TET1: variants seen among roughly 807,000 people sequenced by gnomAD.
TET1 encodes methylcytosine dioxygenase TET1.
TET1 carries 13 observed loss-of-function variants against 148.7 expected under a neutral mutation model. That is an observed-to-expected ratio of 0.09 (90% CI 0.06 to 0.14). The LOEUF is 0.14. Ranked by LOEUF, TET1 falls within the 10% of genes least tolerant of loss-of-function variation. TET1 has a pLI of 1.00. For missense variants in TET1, 2,182 were observed against 2,553.8 expected, an observed-to-expected ratio of 0.85 and a Z score of 3.14; for synonymous variants, 907 against 937.2, an observed-to-expected ratio of 0.97 and a Z score of 0.59.
chr10:68,665,748 T>C (rs1012514059), intron 6 of TET1, among the ~76,000 whole-genome samples: 3 of 152,046 alleles, frequency 2.0e-5, no homozygotes, highest in Non-Finnish European at 4.4e-5. Context: ...TGTGTTATTA[T>C]TTGGCTGTAA....
At chr10:68,588,741 A>C (rs1338455351) in intron 2 of TET1, among the ~76,000 whole-genome samples, 1 of 152,128 alleles carries the variant, frequency 6.6e-6, no homozygotes, top group Non-Finnish European at 1.5e-5. Flanking sequence ...GCTATATTTT[A>C]ATATTAAGGT....
At chr10:68,594,936 G>A (rs552079945) in intron 2 of TET1, among the ~76,000 whole-genome samples, 2 of 145,746 alleles carry the variant, frequency 1.4e-5, no homozygotes, top group African/African-American at 2.6e-5. Context: ...CAGAGATCTC[G>A]CCATTGCACT....
chr10:68,685,273 A>G (rs1054554302), intron 10 of TET1, among the ~76,000 whole-genome samples: 1 of 152,164 alleles, frequency 6.6e-6, no homozygotes, highest in Non-Finnish European at 1.5e-5. Flanking sequence ...TTAACCTTTA[A>G]CTTTGCTTTA....
chr10:68,673,135 A>G (rs2055297380), intron 8 of TET1, 90 bp downstream of exon 8: 7 of 1,093,106 alleles, frequency 6.4e-6, no homozygotes, highest in Non-Finnish European at 8.8e-6. Context: ...GAAACACTAT[A>G]AAAACTAAAT....
At chr10:68,672,135 C>T (rs957967641) in intron 7 of TET1, among the ~76,000 whole-genome samples, 2 of 151,936 alleles carry the variant, frequency 1.3e-5, no homozygotes, top group Admixed American at 1.3e-4. Flanking sequence ...AATTCCAAAG[C>T]AGTAATAAAA....
chr10:68,644,206 G>C (rs906217690), intron 3 of TET1, among the ~76,000 whole-genome samples: 1 of 147,602 alleles, frequency 6.8e-6, no homozygotes, highest in Non-Finnish European at 1.5e-5. Flanking sequence ...CCTGGCCTTT[G>C]ATTTTGTTTC....
intron 10 of TET1, among the ~76,000 whole-genome samples, chr10:68,684,538 A>C (rs1458455036): frequency 6.6e-6 from 1 of 152,146 alleles, no homozygotes; most frequent in African/African-American, 2.4e-5. Flanking sequence ...TTTTACCTGA[A>C]TTACAGAATA....
intron 6 of TET1, among the ~76,000 whole-genome samples, chr10:68,661,903 T>C (rs60189814): frequency 0.17 from 23,054 of 137,004 alleles, 2,547 homozygotes; most frequent in African/African-American, 0.3. Flanking sequence ...TTTTGTGAGA[T>C]GGAGTTTCAC....
chr10:68,617,804 C>T lies in TET1; in HGVS notation c.1968+16770C>T, dbSNP rs182381711. 4.4e-3 allele frequency among the ~76,000 whole-genome samples: 671 copies of T among 152,282 alleles called. 3 individuals are homozygous for T. Among genetic ancestry groups the T allele is most frequent in the African/African-American group, 0.016 (651 of 41,548 alleles). ...CAGGTGATCCACCCGCCTCGACCTC[C>T]CAATGTGCTGGGATTACAGGCGTGA... On this transcript the variant is annotated intron_variant, in intron 3 of 11. Coordinates refer to ENST00000373644, the MANE Select transcript of TET1 (RefSeq NM_030625.3).
intron 2 of TET1, among the ~76,000 whole-genome samples, chr10:68,598,170 C>T (rs1420993748): frequency 6.6e-6 from 1 of 152,182 alleles, no homozygotes; most frequent in Non-Finnish European, 1.5e-5. Context: ...GGGCGGCCCA[C>T]CTGAGGTCAA....
At chr10:68,672,767 TATAATAG>T (rs2055293138) in intron 7 of TET1, 121 bp from the exon 8 acceptor site, 1 of 628,052 alleles carries the variant, frequency 1.6e-6, no homozygotes, top group African/African-American at 1.8e-5. Flanking sequence ...AAATAAGTAA[TATAATAG>T]ATAAGTGTTA....
chr10:68,633,071 C>T (rs966893812), intron 3 of TET1, among the ~76,000 whole-genome samples: 2 of 152,020 alleles, frequency 1.3e-5, no homozygotes, highest in African/African-American at 4.8e-5. Context: ...GTAATCCCAG[C>T]TACTAGTGAG....
At chr10:68,657,730 A>G (rs574434138) in intron 6 of TET1, among the ~76,000 whole-genome samples, 1 of 152,164 alleles carries the variant, frequency 6.6e-6, no homozygotes, top group Non-Finnish European at 1.5e-5. Flanking sequence ...GGCATGAGAA[A>G]CTGAGGATTA....
At chr10:68,605,436 G>A (rs768346834) in intron 3 of TET1, among the ~76,000 whole-genome samples, 80 of 152,164 alleles carry the variant, frequency 5.3e-4, no homozygotes, top group Non-Finnish European at 2.4e-4. Context: ...AGCAAAAATT[G>A]CCGAGATGAT....
intron 3 of TET1, among the ~76,000 whole-genome samples, chr10:68,617,681 G>T (rs2054313388): frequency 6.6e-6 from 1 of 151,922 alleles, no homozygotes; most frequent in Admixed American, 6.6e-5. Context: ...GAGTAGCTGG[G>T]ACTTATAGGC....
intron 2 of TET1, 34 bp downstream of exon 2, chr10:68,574,286 G>T: frequency 6.4e-7 from 1 of 1,562,678 alleles, no homozygotes; most frequent in South Asian, 1.2e-5. Flanking sequence ...GGAGACAGCT[G>T]ACACTTGGTA....
At chr10:68,625,691 GT>G (rs1222776089) in intron 3 of TET1, among the ~76,000 whole-genome samples, 2 of 152,046 alleles carry the variant, frequency 1.3e-5, no homozygotes, top group African/African-American at 4.8e-5. Context: ...ATTCATTGTT[GT>G]TTTTAGTTGT....
chr10:68,677,853 C>G, intron 8 of TET1, among the ~76,000 whole-genome samples: 1 of 152,212 alleles, frequency 6.6e-6, no homozygotes, highest in South Asian at 2.1e-4. Flanking sequence ...CTCCCCACTT[C>G]AGGTGATTCG....
chr10:68,636,318 CAATT>C (rs1176232533), intron 3 of TET1, among the ~76,000 whole-genome samples: 1 of 152,188 alleles, frequency 6.6e-6, no homozygotes, highest in South Asian at 2.1e-4. Flanking sequence ...ATCCCTCCCT[CAATT>C]AACAACCTGC....
Sources: gnomAD v4.1 joint callset for allele counts (sites outside exome capture counted in the v4.1 genomes callset) on GRCh38, gnomAD v4.1.1 for gene constraint, MANE v1.5 for transcripts, NCBI Gene and HGNC (gene_info 2026-07-23, HGNC 2026-07-21) for gene names.